The following SGCD variants were observed in gnomAD, a reference collection of about 807,000 sequenced individuals.
SGCD encodes delta-sarcoglycan.
Under a neutral mutation model 36.6 loss-of-function variants are expected in SGCD, and 18 were observed. The ratio of observed to expected loss-of-function variants is 0.49; its 90% CI spans 0.34 to 0.73. The LOEUF is 0.73. SGCD is among the 30% of genes least tolerant of loss of function. The probability of loss-of-function intolerance (pLI) is 0.01; values close to 1 mark genes in which losing one functional copy is unlikely to be tolerated. For missense variants in SGCD, 387 were observed against 346.7 expected (o/e 1.12, Z -0.92); for synonymous variants, 133 against 130.6 (o/e 1.02, Z -0.12).
At chr5:156,320,207 G>A (rs1279727810) in intron 3 of SGCD, among the ~76,000 whole-genome samples, 1 of 151,536 alleles carries the variant, frequency 6.6e-6, no homozygotes, top group African/African-American at 2.4e-5. Flanking sequence ...CATTCAAGAA[G>A]TTTACCATTA....
At chr5:156,355,449 T>G (rs184287075) in intron 3 of SGCD, among the ~76,000 whole-genome samples, 61 of 152,322 alleles carry the variant, frequency 4.0e-4, no homozygotes, top group Non-Finnish European at 5.4e-4. Flanking sequence ...CCTTTCAATA[T>G]TCTTAATTGG....
At chr5:156,578,578 A>C (rs993232992) in intron 4 of SGCD, among the ~76,000 whole-genome samples, 1 of 152,010 alleles carries the variant, frequency 6.6e-6, no homozygotes, top group Non-Finnish European at 1.5e-5. Context: ...ATTAATTATT[A>C]CCTCAATTTC....
chr5:156,281,043 C>T (rs1561598426), intron 3 of SGCD, among the ~76,000 whole-genome samples: 1 of 152,120 alleles, frequency 6.6e-6, no homozygotes, highest in Non-Finnish European at 1.5e-5. Context: ...CAACATTAAG[C>T]AGACATTAAT....
At chr5:155,971,515 G>A (rs77687182) in intron 1 of SGCD, among the ~76,000 whole-genome samples, 50 of 152,106 alleles carry the variant, frequency 3.3e-4, no homozygotes, top group Non-Finnish European at 4.7e-4. Context: ...ATTGAAACTC[G>A]TCTGGCCCAA....
the SGCD span, among the ~76,000 whole-genome samples, chr5:155,766,066 G>A: frequency 6.6e-6 from 1 of 152,244 alleles, no homozygotes; most frequent in Admixed American, 6.5e-5. Context: ...AAGAGGCTGG[G>A]TTGTTCCTCT....
chr5:155,765,324 AGGAAGGAAG>A, the SGCD span, among the ~76,000 whole-genome samples: 4 of 148,848 alleles, frequency 2.7e-5, no homozygotes, highest in Admixed American at 1.3e-4. Flanking sequence ...GGAAGGAAGA[AGGAAGGAAG>A]GGAAGGAAGG....
intron 1 of SGCD, among the ~76,000 whole-genome samples, chr5:155,876,220 C>T (rs936695165): frequency 3.4e-5 from 4 of 119,172 alleles, no homozygotes; most frequent in African/African-American, 1.3e-4. Context: ...CCACCACAGT[C>T]CCCAGAGTGT....
intron 7 of SGCD, among the ~76,000 whole-genome samples, chr5:156,690,843 A>C (rs1754078501): frequency 6.6e-6 from 1 of 152,112 alleles, no homozygotes; most frequent in Non-Finnish European, 1.5e-5. Context: ...TTGTATGGGA[A>C]AAAATAGGAT....
At chr5:155,971,014 C>A (rs1353137531) in intron 1 of SGCD, among the ~76,000 whole-genome samples, 1 of 152,092 alleles carries the variant, frequency 6.6e-6, no homozygotes, top group Non-Finnish European at 1.5e-5. Flanking sequence ...AGCATGTCTG[C>A]ATTCTAGGTA....
At chr5:155,908,309 A>G (rs1756564609) in intron 1 of SGCD, among the ~76,000 whole-genome samples, 1 of 152,070 alleles carries the variant, frequency 6.6e-6, no homozygotes, top group Non-Finnish European at 1.5e-5. Flanking sequence ...TATTTTACTC[A>G]ATTCATCTCC....
intron 3 of SGCD, among the ~76,000 whole-genome samples, chr5:156,438,191 C>T (rs1264112046): frequency 2.0e-5 from 3 of 152,140 alleles, no homozygotes; most frequent in Non-Finnish European, 4.4e-5. Flanking sequence ...ATGTAGTGTT[C>T]AGGACAAGCT....
chr5:156,340,407 G>A (rs1768590261), intron 2 of SGCD, among the ~76,000 whole-genome samples: 1 of 152,162 alleles, frequency 6.6e-6, no homozygotes, highest in African/African-American at 2.4e-5. Context: ...TTGGTGAATT[G>A]GAGCTATGGG....
At chr5:156,716,091 T>C (rs572544824) in intron 7 of SGCD, among the ~76,000 whole-genome samples, 4 of 152,316 alleles carry the variant, frequency 2.6e-5, no homozygotes, top group African/African-American at 9.6e-5. Context: ...AAGACAGCCT[T>C]ACTACTCCAC....
intron 1 of SGCD, among the ~76,000 whole-genome samples, chr5:156,047,599 C>T (rs951365619): frequency 3.9e-5 from 6 of 152,094 alleles, no homozygotes; most frequent in Non-Finnish European, 5.9e-5. Flanking sequence ...CTGTTTATAG[C>T]ATGGCTAATT....
At chr5:156,394,920 C>T (rs1354658677) in intron 3 of SGCD, among the ~76,000 whole-genome samples, 1 of 152,206 alleles carries the variant, frequency 6.6e-6, no homozygotes, top group Non-Finnish European at 1.5e-5. Context: ...TTGGCTAGAA[C>T]AGGCTTACAT....
At chr5:156,059,923 T>A (rs1581069719) in intron 1 of SGCD, among the ~76,000 whole-genome samples, 1 of 146,676 alleles carries the variant, frequency 6.8e-6, no homozygotes, top group East Asian at 1.9e-4. Context: ...GGACCTCAGA[T>A]TTGACTGTTC....
At chr5:156,344,058 C>CG (rs1008473699) in intron 2 of SGCD, among the ~76,000 whole-genome samples, 7 of 152,074 alleles carry the variant, frequency 4.6e-5, no homozygotes, top group Admixed American at 3.3e-4. Context: ...ACCACCCCCC[C>CG]AAATAAATTG....
At chr5:155,788,913 A>G in the SGCD span, among the ~76,000 whole-genome samples, 108 of 152,280 alleles carry the variant, frequency 7.1e-4, no homozygotes, top group African/African-American at 2.5e-3. Context: ...CAAAGACATA[A>G]AACGGTCAAA....
chr5:156,500,917 C>T (rs1224560505), intron 3 of SGCD, among the ~76,000 whole-genome samples: 2 of 152,180 alleles, frequency 1.3e-5, no homozygotes, highest in South Asian at 2.1e-4. Flanking sequence ...CAGAATTTTG[C>T]AGACATCCTG....
Sources: gnomAD v4.1 joint callset for allele counts (sites outside exome capture counted in the v4.1 genomes callset) on GRCh38, gnomAD v4.1.1 for gene constraint, MANE v1.5 for transcripts, NCBI Gene and HGNC (gene_info 2026-07-23, HGNC 2026-07-21) for gene names.